CSTL1: variants seen among roughly 807,000 people sequenced by gnomAD.
CSTL1 encodes the protein cystatin like 1, also known as cystatin-like 1.
Under a neutral mutation model 14.4 loss-of-function variants are expected in CSTL1, and 14 were observed. The observed-to-expected ratio is 0.97, with a 90% CI of 0.64 to 1.52. The LOEUF (loss-of-function observed/expected upper bound fraction) is 1.52. Among genes scored for constraint, CSTL1 ranks in the 40% most tolerant of loss-of-function variants. CSTL1 has a pLI of 0.00. For missense variants in CSTL1, 170 were observed against 168.7 expected, an observed-to-expected ratio of 1.01 and a Z score of -0.04; for synonymous variants, 72 against 67.5, an observed-to-expected ratio of 1.07 and a Z score of -0.33.
chr20:23,459,610 C>T, the CSTL1 span, among the ~76,000 whole-genome samples: 1 of 152,170 alleles, frequency 6.6e-6, no homozygotes, highest in African/African-American at 2.4e-5. Context: ...TCTCCTCTGA[C>T]TCATTCTTTG....
chr20:23,455,837 G>T, the CSTL1 span, among the ~76,000 whole-genome samples: 1 of 152,188 alleles, frequency 6.6e-6, no homozygotes, highest in East Asian at 1.9e-4. Flanking sequence ...TCTTCCTGTC[G>T]CCCACTTGCC....
the CSTL1 span, chr20:23,451,877 C>T: frequency 1.9e-6 from 3 of 1,614,038 alleles, no homozygotes; most frequent in African/African-American, 2.7e-5. Flanking sequence ...GCAGGTGGTC[C>T]ACTGCATTTC....
chr20:23,443,573 G>T (rs748051811), intron 2 of CSTL1, among the ~76,000 whole-genome samples: 1 of 152,114 alleles, frequency 6.6e-6, no homozygotes, highest in Non-Finnish European at 1.5e-5. Flanking sequence ...GACTGGGGGG[G>T]TGGGGACAAG....
At position 23,444,876 on chromosome 20, in the gene CSTL1, TGAG is replaced by T; in HGVS notation, c.438_*2del. ...CGAGCATGTGGGCAGAAACCTCAGATGAGGGCTCATATGATTGAGTTGTGCACT... is the reference window on the plus strand; with the variant it reads ...CGAGCATGTGGGCAGAAACCTCAGATGGCTCATATGATTGAGTTGTGCACT... On this transcript the variant is annotated stop_lost and 3_prime_UTR_variant, in exon 4 of 4. Coordinates refer to ENST00000347397, the MANE Select transcript of CSTL1 (RefSeq NM_138283.1). The T allele has an allele frequency of 6.2e-7, 1 of 1,601,632 alleles. No homozygotes were observed. Among genetic ancestry groups the T allele is most frequent in the Admixed American group, 1.7e-5 (1 of 60,000 alleles).
At chr20:23,448,265 C>G (rs186914979), downstream of CSTL1, among the ~76,000 whole-genome samples, 19 of 150,710 alleles carry the variant, frequency 1.3e-4, no homozygotes, top group Non-Finnish European at 2.5e-4. Context: ...TTAAAGTGAA[C>G]TCTCCCACCC....
downstream of CSTL1, among the ~76,000 whole-genome samples, chr20:23,445,599 A>G (rs963463015): frequency 6.6e-6 from 1 of 152,180 alleles, no homozygotes; most frequent in Non-Finnish European, 1.5e-5. Flanking sequence ...ATCATTGGGG[A>G]AACCTCATCA....
chr20:23,450,619 A>G, the CSTL1 span: 2 of 1,560,138 alleles, frequency 1.3e-6, no homozygotes, highest in Non-Finnish European at 1.8e-6. Context: ...CAATATTTTA[A>G]AAGACGCCAG....
chr20:23,450,667 C>A, the CSTL1 span: 2 of 1,065,106 alleles, frequency 1.9e-6, no homozygotes, highest in South Asian at 1.5e-5. Flanking sequence ...ATGTAAGACA[C>A]GAAGATGGAG....
downstream of CSTL1, among the ~76,000 whole-genome samples, chr20:23,445,205 TTTTCTTTCTTTTCC>T (rs1239902073): frequency 1.5e-4 from 23 of 151,592 alleles, no homozygotes; most frequent in Non-Finnish European, 3.1e-4. Flanking sequence ...TGGTGCAATC[TTTTCTTTCTTTTCC>T]TTTCTTTCTT....
chr20:23,440,196 G>A lies in CSTL1; in HGVS notation c.-72G>A. The A allele has an allele frequency of 6.7e-7, 1 of 1,501,732 alleles. No homozygotes were observed. Among genetic ancestry groups the A allele is most frequent in the African/African-American group, 1.4e-5 (1 of 72,796 alleles). 93.0% of individuals were successfully genotyped at this position (1,501,732 alleles called of 1,614,324 possible). ...TTGGTGAGGGTTATGATGGGAGAATGAGTGAACTGCAGCCTGGCACCACCA... is the reference window on the plus strand; with the variant it reads ...TTGGTGAGGGTTATGATGGGAGAATAAGTGAACTGCAGCCTGGCACCACCA... On this transcript the variant is annotated 5_prime_UTR_variant, in exon 2 of 4. The change abolishes an upstream ATG in the 5' untranslated region. Coordinates refer to ENST00000347397, the MANE Select transcript of CSTL1 (RefSeq NM_138283.1).
downstream of CSTL1, among the ~76,000 whole-genome samples, chr20:23,445,951 C>T (rs1986957504): frequency 6.6e-6 from 1 of 152,130 alleles, no homozygotes; most frequent in South Asian, 2.1e-4. Context: ...ACACAGAGCA[C>T]GCTCAATTCC....
At chr20:23,442,808 A>G (rs546751755) in intron 2 of CSTL1, among the ~76,000 whole-genome samples, 9 of 152,314 alleles carry the variant, frequency 5.9e-5, no homozygotes, top group Non-Finnish European at 1.3e-4. Context: ...GACCAGTGAC[A>G]GGGCAAGGCA....
In CSTL1 at chr20:23,440,486, G is replaced by T; in HGVS notation, c.219G>T (p.Gln73His). The change falls in exon 2 of 4, where the codon CAG becomes CAT. Residue 73 changes from glutamine (Q) to histidine (H), a missense_variant and splice_region_variant. Coordinates refer to ENST00000347397, the MANE Select transcript of CSTL1 (RefSeq NM_138283.1). ...RVQRLIRSQMQLTTGVEYIVT... is the reference protein window; with the variant it reads ...RVQRLIRSQMHLTTGVEYIVT... ...AGAGGCTAATTCGAAGTCAGATGCA[G>T]GTTTGTACCTTGCTCTCCCAAGACA... The T allele has an allele frequency of 6.2e-7, 1 of 1,608,562 alleles. No individual in the cohort carries two copies. The highest frequency in any genetic ancestry group is 2.2e-5 in the East Asian group (1 of 44,848).
At chr20:23,454,449 C>T in the CSTL1 span, among the ~76,000 whole-genome samples, 2 of 152,112 alleles carry the variant, frequency 1.3e-5, no homozygotes, top group African/African-American at 2.4e-5. Flanking sequence ...AACACACAGA[C>T]ACAGTACACA....
chr20:23,440,537 C>T, intron 2 of CSTL1, 51 bp downstream of exon 2: 1 of 1,390,002 alleles, frequency 7.2e-7, no homozygotes. Flanking sequence ...CTTGCCAGTT[C>T]AGACATGTGA....
the CSTL1 span, among the ~76,000 whole-genome samples, chr20:23,455,524 G>A: frequency 2.6e-5 from 4 of 152,252 alleles, no homozygotes; most frequent in Non-Finnish European, 5.9e-5. Context: ...GTGGGGCAGG[G>A]TGGTGGGGCT....
intron 3 of CSTL1, 120 bp from the exon 4 acceptor site, chr20:23,444,651 C>T: frequency 1.5e-6 from 1 of 657,904 alleles, no homozygotes; most frequent in Non-Finnish European, 2.7e-6. Flanking sequence ...CTGTGGGCAG[C>T]TCCCCTCTCT....
the CSTL1 span, among the ~76,000 whole-genome samples, chr20:23,458,902 G>A: frequency 2.0e-5 from 3 of 152,120 alleles, no homozygotes; most frequent in Non-Finnish European, 4.4e-5. Context: ...TTAAAGAGGG[G>A]CCAACATTTA....
the CSTL1 span, among the ~76,000 whole-genome samples, chr20:23,453,481 T>C: frequency 7.2e-5 from 11 of 152,188 alleles, no homozygotes; most frequent in East Asian, 2.1e-3. Flanking sequence ...CACAGGGAGC[T>C]TTCTGGTTGG....
Sources: gnomAD v4.1 joint callset for allele counts (sites outside exome capture counted in the v4.1 genomes callset) on GRCh38, gnomAD v4.1.1 for gene constraint, MANE v1.5 for transcripts, NCBI Gene and HGNC (gene_info 2026-07-23, HGNC 2026-07-21) for gene names.